Variants in PPIP5K2 observed in about 807,000 individuals in gnomAD.
PPIP5K2 encodes the protein diphosphoinositol pentakisphosphate kinase 2, also known as inositol hexakisphosphate and diphosphoinositol-pentakisphosphate kinase 2.
In PPIP5K2, 105 loss-of-function variants were observed where a neutral mutation model predicts 154.6. That is an observed-to-expected ratio of 0.68 (90% CI 0.58 to 0.80). The LOEUF is 0.80. Ranked by LOEUF, PPIP5K2 falls within the 30% of genes least tolerant of loss-of-function variation. The pLI is 0.00. For missense variants in PPIP5K2, 992 were observed against 1,504.6 expected (o/e 0.66, Z 5.64); for synonymous variants, 480 against 490.3 (o/e 0.98, Z 0.28).
intron 1 of PPIP5K2, chr5:103,120,715 CT>C: frequency 3.1e-6 from 1 of 321,704 alleles, no homozygotes; most frequent in Non-Finnish European, 6.3e-6. Context: ...CATGGCTTCC[CT>C]TTTTCATTTC....
chr5:103,151,201 G>A (rs1479217919), intron 8 of PPIP5K2, 52 bp from the exon 9 acceptor site: 3 of 1,463,434 alleles, frequency 2.0e-6, no homozygotes, highest in African/African-American at 2.9e-5. Flanking sequence ...AGAAAACTGT[G>A]AATCTTAATA....
chr5:103,186,485 C>CA, intron 27 of PPIP5K2, 46 bp downstream of exon 27: 9 of 1,611,352 alleles, frequency 5.6e-6, no homozygotes, highest in Non-Finnish European at 6.8e-6. Context: ...CACCCATGCA[C>CA]ACACCCATGA....
chr5:103,165,235 C>G (rs1796949783), intron 17 of PPIP5K2, among the ~76,000 whole-genome samples: 1 of 151,998 alleles, frequency 6.6e-6, no homozygotes, highest in Admixed American at 6.6e-5. Context: ...TCTTTTACTT[C>G]CTCCTTGATC....
intron 9 of PPIP5K2, among the ~76,000 whole-genome samples, chr5:103,151,748 T>C (rs1200620910): frequency 1.3e-5 from 2 of 152,070 alleles, no homozygotes; most frequent in Admixed American, 6.5e-5. Context: ...CAGAGTAAAA[T>C]AGAAATATTT....
Position 103,201,870 on chromosome 5 carries a change from C to G in PPIP5K2, c.*236C>G. The G allele has an allele frequency of 2.3e-6, 1 of 432,868 alleles. No homozygotes were observed. Among genetic ancestry groups the G allele is most frequent in the Non-Finnish European group, 4.2e-6 (1 of 240,032 alleles). 26.8% of individuals were successfully genotyped at this position (432,868 alleles called of 1,614,324 possible). ...TCGATTGTTGTTAATATGATGTTTA[C>G]CATGTGCACATAGTAATGAAAAGGA... On this transcript the variant is annotated 3_prime_UTR_variant, in exon 31 of 31. Transcript: ENST00000358359.
chr5:103,142,166 C>T (rs1310596542), intron 5 of PPIP5K2, among the ~76,000 whole-genome samples: 3 of 152,228 alleles, frequency 2.0e-5, no homozygotes, highest in Non-Finnish European at 4.4e-5. Context: ...CTGCAGGTCC[C>T]GAGCCCTGCC....
At position 103,158,235 on chromosome 5, in the gene PPIP5K2, G is replaced by A; in HGVS notation, c.1537G>A (p.Gly513Ser). Reference protein sequence around the residue: ...PSLLLVLKWGGELTPAGRVQA... With the variant: ...PSLLLVLKWGSELTPAGRVQA... ...TTTACTTTTGGTTCTAAAATGGGGA[G>A]GTGAATTAACTCCTGCAGGCAGGGT... Residue 513 changes from glycine (G) to serine (S), a missense_variant, in exon 15 of 31, where the codon GGT becomes AGT. Gly to Ser is a moderately conservative substitution (Grantham distance 56). This residue lies in a region of PPIP5K2 where 163 missense variants were observed against 285.2 expected (regional missense o/e 0.57). Transcript: ENST00000358359. 6.2e-7 allele frequency: 1 copy of A among 1,613,942 alleles called. No homozygotes were observed. The highest frequency in any genetic ancestry group is 8.5e-7 in the Non-Finnish European group (1 of 1,179,870).
chr5:103,162,198 GTC>G (rs1796374566), intron 17 of PPIP5K2, among the ~76,000 whole-genome samples: 1 of 152,030 alleles, frequency 6.6e-6, no homozygotes. Flanking sequence ...ATGAGGACAA[GTC>G]TCTTGTCCTT....
At chr5:103,167,804 G>T (rs1339400194) in intron 18 of PPIP5K2, among the ~76,000 whole-genome samples, 2 of 151,770 alleles carry the variant, frequency 1.3e-5, no homozygotes, top group African/African-American at 4.8e-5. Flanking sequence ...GAAAATATAT[G>T]AGCTTAAAAG....
chr5:103,176,005 A>G (rs782104187), intron 21 of PPIP5K2, among the ~76,000 whole-genome samples: 1 of 152,120 alleles, frequency 6.6e-6, no homozygotes, highest in Non-Finnish European at 1.5e-5. Context: ...CTTACTCAGT[A>G]TATTCCCCTT....
chr5:103,169,464 C>T (rs1797625478), intron 19 of PPIP5K2, among the ~76,000 whole-genome samples: 1 of 151,652 alleles, frequency 6.6e-6, no homozygotes, highest in Non-Finnish European at 1.5e-5. Flanking sequence ...TATTCATAGA[C>T]AGTACAGGAA....
rs1299422636 is a variant in PPIP5K2 at position 103,187,362 on chromosome 5, G to A, written c.3338G>A (p.Arg1113Gln). The change falls in exon 28 of 31, where the codon CGA becomes CAA. Residue 1113 changes from arginine (R) to glutamine (Q), a missense_variant. Arg to Gln is a conservative substitution (Grantham distance 43). This residue lies in a region of PPIP5K2 where 29 missense variants were observed against 56.4 expected (regional missense o/e 0.51). Transcript: ENST00000358359. ...AAAAGGTTTTCTATCTCATTTGCTCGACACCCAACCAATGGTACGTTTTGC... is the reference window on the plus strand; with the variant it reads ...AAAAGGTTTTCTATCTCATTTGCTCAACACCCAACCAATGGTACGTTTTGC... ...AVKRFSISFA[R>Q]HPTNGFELYS... 7.2e-6 allele frequency: 11 copies of A among 1,533,776 alleles called. No homozygotes were observed. The highest frequency in any genetic ancestry group is 8.7e-6 in the Non-Finnish European group (10 of 1,145,198).
intron 3 of PPIP5K2, among the ~76,000 whole-genome samples, chr5:103,135,718 T>C (rs1554203953): frequency 6.6e-6 from 1 of 151,936 alleles, no homozygotes; most frequent in African/African-American, 2.4e-5. Flanking sequence ...CAAGAGCCAC[T>C]GCACCTGGCA....
At chr5:103,169,693 C>T (rs781972534) in intron 19 of PPIP5K2, among the ~76,000 whole-genome samples, 1 of 151,648 alleles carries the variant, frequency 6.6e-6, no homozygotes, top group Non-Finnish European at 1.5e-5. Context: ...TTTACGAATA[C>T]GTCTTTAGGC....
chr5:103,154,154 C>T (rs1272362407), intron 11 of PPIP5K2, among the ~76,000 whole-genome samples: 1 of 151,888 alleles, frequency 6.6e-6, no homozygotes. Context: ...TCAGTCTGCC[C>T]TGGCTTTCAT....
At chr5:103,172,074 C>G (rs1025470499) in intron 19 of PPIP5K2, among the ~76,000 whole-genome samples, 6 of 151,570 alleles carry the variant, frequency 4.0e-5, no homozygotes, top group Admixed American at 1.3e-4. Context: ...TTACCCAGAC[C>G]AGCAGTGTAT....
At chr5:103,124,970 A>G (rs1554200210) in intron 1 of PPIP5K2, among the ~76,000 whole-genome samples, 2 of 152,252 alleles carry the variant, frequency 1.3e-5, no homozygotes, top group African/African-American at 4.8e-5. Flanking sequence ...ATATGTGACC[A>G]AAGGTCAAAA....
At chr5:103,155,582 C>T (rs1795300440) in intron 13 of PPIP5K2, among the ~76,000 whole-genome samples, 1 of 151,360 alleles carries the variant, frequency 6.6e-6, no homozygotes, top group Non-Finnish European at 1.5e-5. Flanking sequence ...CACACACCAC[C>T]ATGCCTGGCT....
At chr5:103,194,794 A>G (rs1801800595) in intron 29 of PPIP5K2, 106 bp from the exon 30 acceptor site, 3 of 1,248,100 alleles carry the variant, frequency 2.4e-6, no homozygotes, top group South Asian at 1.6e-5. Flanking sequence ...TTCTTCTGTT[A>G]TTATGAATAT....
Sources: gnomAD v4.1 joint callset for allele counts (sites outside exome capture counted in the v4.1 genomes callset) on GRCh38, gnomAD v4.1.1 for gene constraint, gnomAD v4.1.1 regional missense constraint, MANE v1.5 for transcripts, NCBI Gene and HGNC (gene_info 2026-07-23, HGNC 2026-07-21) for gene names.